Variants in IQGAP1 observed in about 807,000 individuals in gnomAD.
The protein encoded by IQGAP1 is ras GTPase-activating-like protein IQGAP1.
IQGAP1 carries 66 observed loss-of-function variants against 215.6 expected under a neutral mutation model. The ratio of observed to expected loss-of-function variants is 0.31; its 90% CI spans 0.25 to 0.38. The LOEUF is 0.38. IQGAP1 is among the 10% of genes least tolerant of loss of function. The pLI is 1.00. For synonymous variants in IQGAP1, 772 were observed against 728.7 expected (o/e 1.06, Z -0.96); for missense variants, 1,712 against 1,997.1 (o/e 0.86, Z 2.72).
At chr15:90,421,128 C>T (rs1334665396) in intron 2 of IQGAP1, among the ~76,000 whole-genome samples, 1 of 152,122 alleles carries the variant, frequency 6.6e-6, no homozygotes, top group African/African-American at 2.4e-5. Context: ...CAAAGCGAGA[C>T]TCCATCTCAA....
chr15:90,411,777 T>G (rs1326065367), intron 2 of IQGAP1, among the ~76,000 whole-genome samples: 1 of 152,182 alleles, frequency 6.6e-6, no homozygotes. Context: ...TCTTTCATGC[T>G]CCATGGTAAG....
intron 18 of IQGAP1, 38 bp downstream of exon 18, chr15:90,467,630 A>G: frequency 6.3e-7 from 1 of 1,577,216 alleles, no homozygotes; most frequent in East Asian, 2.3e-5. Context: ...AAGCTGAGAG[A>G]AAGTGTTTTC....
chr15:90,422,670 ATATATATATAATTTTTGAGACAGAGTTTG>A (rs1474010655), intron 2 of IQGAP1, among the ~76,000 whole-genome samples: 3,133 of 127,640 alleles, frequency 0.025, 102 homozygotes, highest in African/African-American at 0.087. Flanking sequence ...GTATATATAT[ATATATATATAATTTTTGAGACAGAGTTTG>A]TATATATAAT....
intron 2 of IQGAP1, among the ~76,000 whole-genome samples, chr15:90,406,339 G>A (rs554143508): frequency 6.6e-6 from 1 of 152,314 alleles, no homozygotes; most frequent in African/African-American, 2.4e-5. Context: ...GCAATTTTTT[G>A]TATTTTTAGT....
At chr15:90,453,728 G>C (rs995802867) in intron 13 of IQGAP1, among the ~76,000 whole-genome samples, 2 of 152,158 alleles carry the variant, frequency 1.3e-5, no homozygotes, top group Non-Finnish European at 2.9e-5. Context: ...ACTTGTTAAA[G>C]GGATGGGACC....
chr15:90,449,730 C>T, intron 11 of IQGAP1, 87 bp downstream of exon 11: 4 of 1,115,682 alleles, frequency 3.6e-6, no homozygotes, highest in Non-Finnish European at 5.2e-6. Context: ...ATCGTCATCA[C>T]CCACTCTGAG....
intron 2 of IQGAP1, among the ~76,000 whole-genome samples, chr15:90,393,175 A>G (rs1034434010): frequency 2.1e-5 from 2 of 94,990 alleles, no homozygotes; most frequent in South Asian, 6.9e-4. Context: ...TCGGGGTGGG[A>G]GATCCAGACA....
rs182492535 is a variant in IQGAP1 at position 90,388,638 on chromosome 15, G to T, written c.55+242G>T. Among the ~76,000 whole-genome samples, 687 of 152,218 alleles carry T rather than the reference G, an allele frequency of 4.5e-3. 3 individuals are homozygous for T. Among genetic ancestry groups the T allele is most frequent in the African/African-American group, 0.016 (662 of 41,554 alleles). ...TCCCGCCTTAGCTGGGGCCGCGGTA[G>T]GGGGAGCCCCACCCAGCGCCTCTCG... is the stretch of plus-strand genomic sequence containing the variant. On this transcript the variant is annotated intron_variant, in intron 1 of 37. Transcript: ENST00000268182.
At chr15:90,456,432 G>A (rs1567132552) in intron 15 of IQGAP1, 117 bp downstream of exon 15, 2 of 973,410 alleles carry the variant, frequency 2.1e-6, no homozygotes, top group Non-Finnish European at 3.0e-6. Flanking sequence ...GGCACCCTTA[G>A]ATTCAAAGCA....
chr15:90,426,070 C>A, intron 2 of IQGAP1, 40 bp from the exon 3 acceptor site: 1 of 1,564,622 alleles, frequency 6.4e-7, no homozygotes, highest in Non-Finnish European at 8.6e-7. Context: ...AAGTTCTGAC[C>A]TTCCCTTTCT....
intron 9 of IQGAP1, among the ~76,000 whole-genome samples, chr15:90,443,756 A>T (rs1301587996): frequency 6.6e-6 from 1 of 152,060 alleles, no homozygotes; most frequent in African/African-American, 2.4e-5. Flanking sequence ...TTTAAATATT[A>T]TTTTCCTGGC....
At chr15:90,496,204 T>C (rs1006402984) in intron 36 of IQGAP1, among the ~76,000 whole-genome samples, 5 of 151,948 alleles carry the variant, frequency 3.3e-5, no homozygotes, top group Non-Finnish European at 7.4e-5. Context: ...TTTGCATCTT[T>C]CATGGTTCTC....
intron 15 of IQGAP1, among the ~76,000 whole-genome samples, chr15:90,456,924 G>GTATA: frequency 1.5e-5 from 2 of 131,498 alleles, no homozygotes; most frequent in South Asian, 4.8e-4. Flanking sequence ...GTGTGTGTGT[G>GTATA]TATATATATA....
intron 13 of IQGAP1, among the ~76,000 whole-genome samples, chr15:90,454,036 A>G (rs998715653): frequency 6.6e-6 from 1 of 152,234 alleles, no homozygotes; most frequent in East Asian, 1.9e-4. Flanking sequence ...CTAGTTTTCC[A>G]TTAAGCATTC....
Position 90,477,189 on chromosome 15 carries a change from G to A in IQGAP1, c.3063G>A (p.Leu1021=), listed in dbSNP as rs769196794. ...CGTCCAACCAGCGAGAGGAGTACCT[G>A]CTCCTGCGGCTCTTTAAGACAGCAC... ...NYASNQREEY[L]LLRLFKTALQ... Residue 1021 remains leucine, a synonymous_variant, in exon 25 of 38, where the codon CTG becomes CTA. Coordinates refer to ENST00000268182, the MANE Select transcript of IQGAP1 (RefSeq NM_003870.4). 5.2e-5 allele frequency: 84 copies of A among 1,613,912 alleles called. 1 individual carries two copies. The Admixed American group carries it at 1.4e-3, about 26-fold the overall frequency.
In IQGAP1 at chr15:90,473,014, T is replaced by C. The variant is rs752052546; in HGVS notation, c.2349+4T>C. On this transcript the variant is annotated splice_donor_region_variant and intron_variant, in intron 19 of 37. Coordinates refer to ENST00000268182, the MANE Select transcript of IQGAP1 (RefSeq NM_003870.4). ...CCCTGCCATCACCTGCATTCAGGTATTTCAGAACCTATCACACAGACAGCA... is the reference window on the plus strand; with the variant it reads ...CCCTGCCATCACCTGCATTCAGGTACTTCAGAACCTATCACACAGACAGCA... 6.2e-7 allele frequency: 1 copy of C among 1,613,376 alleles called. No individual in the cohort carries two copies.
intron 13 of IQGAP1, 27 bp downstream of exon 13, chr15:90,453,319 A>G (rs754541400): frequency 1.3e-6 from 2 of 1,568,450 alleles, no homozygotes; most frequent in Admixed American, 1.8e-5. Flanking sequence ...AAGGGAATAA[A>G]TCCATTACGT....
At chr15:90,487,666 CAAAT>C in intron 33 of IQGAP1, 84 bp downstream of exon 33, 1 of 895,964 alleles carries the variant, frequency 1.1e-6, no homozygotes, top group Non-Finnish European at 1.8e-6. Flanking sequence ...AGGGGAGACA[CAAAT>C]AACAGTTGGT....
intron 2 of IQGAP1, among the ~76,000 whole-genome samples, chr15:90,404,675 T>C (rs1186218156): frequency 6.6e-6 from 1 of 152,096 alleles, no homozygotes; most frequent in Non-Finnish European, 1.5e-5. Flanking sequence ...CTTGGCCAGG[T>C]TCAAGCGATT....
Sources: allele counts gnomAD v4.1 joint callset (sites outside exome capture counted in the v4.1 genomes callset), GRCh38; gene constraint gnomAD v4.1.1; transcripts MANE v1.5; gene names NCBI Gene and HGNC (gene_info 2026-07-23, HGNC 2026-07-21).